The following TRAK1 variants were observed in gnomAD, a reference collection of about 807,000 sequenced individuals.
The protein encoded by TRAK1 is trafficking kinesin-binding protein 1.
TRAK1 carries 33 observed loss-of-function variants against 92.1 expected under a neutral mutation model. That is an observed-to-expected ratio of 0.36 (90% CI 0.27 to 0.48). TRAK1 has a LOEUF of 0.48. TRAK1 is among the 20% of genes least tolerant of loss of function. TRAK1 has a pLI of 0.99. For missense variants in TRAK1, 1,123 were observed against 1,257.9 expected (o/e 0.89, Z 1.62); for synonymous variants, 521 against 517.3 (o/e 1.01, Z -0.10).
intron 1 of TRAK1, among the ~76,000 whole-genome samples, chr3:42,067,503 T>C (rs539549062): frequency 3.3e-5 from 5 of 152,316 alleles, no homozygotes; most frequent in African/African-American, 1.2e-4. Flanking sequence ...TCAGTGCACA[T>C]TGAGAAGCTA....
chr3:42,163,962 A>C (rs2149314470), intron 2 of TRAK1, among the ~76,000 whole-genome samples: 1 of 152,366 alleles, frequency 6.6e-6, no homozygotes, highest in Non-Finnish European at 1.5e-5. Flanking sequence ...TGTAAAATGA[A>C]ACAAACTCAC....
intron 2 of TRAK1, among the ~76,000 whole-genome samples, chr3:42,164,102 AC>A (rs1215216054): frequency 2.0e-5 from 3 of 151,918 alleles, no homozygotes; most frequent in Admixed American, 6.6e-5. Flanking sequence ...GCTGGGCAGG[AC>A]CCCATTTTTC....
chr3:42,082,550 G>A (rs1576268724), upstream of TRAK1, among the ~76,000 whole-genome samples: 1 of 152,036 alleles, frequency 6.6e-6, no homozygotes, highest in Non-Finnish European at 1.5e-5. Flanking sequence ...AGCCGAGATC[G>A]CGCCACTGCA....
chr3:42,084,552 GC>G (rs1416834472), upstream of TRAK1, among the ~76,000 whole-genome samples: 2 of 152,222 alleles, frequency 1.3e-5, no homozygotes, highest in African/African-American at 4.8e-5. Context: ...GCATGGAGAA[GC>G]CCCCTTGGGC....
intron 2 of TRAK1, among the ~76,000 whole-genome samples, chr3:42,157,367 G>A (rs1198144715): frequency 2.1e-5 from 3 of 139,558 alleles, no homozygotes; most frequent in African/African-American, 8.0e-5. Context: ...GCTGAGGCGG[G>A]AAGATCCCTT....
intron 15 of TRAK1, among the ~76,000 whole-genome samples, chr3:42,220,281 A>G (rs1210567488): frequency 2.0e-5 from 3 of 152,268 alleles, no homozygotes; most frequent in South Asian, 2.1e-4. Context: ...AGCACCATCT[A>G]TGGGGAGGAC....
upstream of TRAK1, among the ~76,000 whole-genome samples, chr3:42,082,748 A>G (rs1362117315): frequency 6.6e-6 from 1 of 152,230 alleles, no homozygotes; most frequent in African/African-American, 2.4e-5. Flanking sequence ...AAAGTGAGAA[A>G]GTATTTCCAA....
intron 1 of TRAK1, among the ~76,000 whole-genome samples, chr3:42,094,248 A>T (rs1238188462): frequency 6.6e-6 from 1 of 152,082 alleles, no homozygotes; most frequent in Admixed American, 6.5e-5. Context: ...TTGGTGTGTG[A>T]GTCTGGGACT....
chr3:42,196,119 A>G (rs1052617833), intron 10 of TRAK1, among the ~76,000 whole-genome samples: 1 of 152,168 alleles, frequency 6.6e-6, no homozygotes, highest in African/African-American at 2.4e-5. Context: ...CAGCTTTCAT[A>G]TTTGCTGAGG....
rs145953745 is a variant in TRAK1 at position 42,196,956 on chromosome 3, CCT to C, written c.1113+2034_1113+2035del. 8.1e-3 allele frequency among the ~76,000 whole-genome samples: 1,162 copies of C among 143,270 alleles called. 11 individuals are homozygous for C. The highest frequency in any genetic ancestry group is 0.022 in the African/African-American group (860 of 38,524). The allele number at this position is 143,270 out of a possible 152,430, so 94.0% of individuals were successfully genotyped here. ...CTGAACTAATTTCTCTCTCCTTTCTCCTCTCTCTCTCTCTCTCTCTTTCTCTT... is the reference window on the plus strand; with the variant it reads ...CTGAACTAATTTCTCTCTCCTTTCTCCTCTCTCTCTCTCTCTCTTTCTCTT... On this transcript the variant is annotated intron_variant, in intron 10 of 15. Transcript: ENST00000327628.
intron 1 of TRAK1, among the ~76,000 whole-genome samples, chr3:42,048,561 CTTTTCT>C (rs1702853097): frequency 1.7e-5 from 2 of 114,952 alleles, no homozygotes; most frequent in African/African-American, 7.5e-5. Context: ...CTCTACAGTT[CTTTTCT>C]TTTTTTTTTT....
chr3:42,033,585 CTCAA>C (rs61686568), intron 1 of TRAK1, among the ~76,000 whole-genome samples: 2 of 151,598 alleles, frequency 1.3e-5, no homozygotes, highest in African/African-American at 2.4e-5. Flanking sequence ...AAGACCCTGT[CTCAA>C]TCAATCAATC....
chr3:42,203,087 C>A (rs1173429576), intron 13 of TRAK1: 7 of 1,232,104 alleles, frequency 5.7e-6, no homozygotes, highest in Middle Eastern at 3.1e-4. Flanking sequence ...CTAACTGATT[C>A]AAAAATTAAT....
chr3:42,013,336 C>T (rs1701380441), upstream of TRAK1, among the ~76,000 whole-genome samples: 1 of 152,172 alleles, frequency 6.6e-6, no homozygotes. The surrounding 1 kb of genome is among the most constrained non-coding windows in gnomAD (Gnocchi z 5.1). Flanking sequence ...TTCTCTTAGA[C>T]TGACTCTGGA....
At chr3:42,054,208 T>G (rs1703099439) in intron 1 of TRAK1, among the ~76,000 whole-genome samples, 1 of 152,254 alleles carries the variant, frequency 6.6e-6, no homozygotes, top group Non-Finnish European at 1.5e-5. Context: ...TGCTAAGTAC[T>G]GTGCTAAGCA....
chr3:42,194,737 A>T, intron 9 of TRAK1, 67 bp from the exon 10 acceptor site: 1 of 1,565,342 alleles, frequency 6.4e-7, no homozygotes, highest in South Asian at 1.2e-5. Flanking sequence ...TGGCCTTCGG[A>T]TGGGCAGATG....
intron 1 of TRAK1, among the ~76,000 whole-genome samples, chr3:42,061,302 TGCACACCTCCCCCAC>T (rs1207501792): frequency 5.7e-5 from 1 of 17,562 alleles, no homozygotes; most frequent in Non-Finnish European, 1.1e-4. Context: ...CACCCCCCCA[TGCACACCTCCCCCAC>T]GCACACCCCC....
At chr3:42,197,082 T>A (rs1341029548) in intron 10 of TRAK1, among the ~76,000 whole-genome samples, 1 of 151,320 alleles carries the variant, frequency 6.6e-6, no homozygotes, top group Non-Finnish European at 1.5e-5. Flanking sequence ...ATAATCATAA[T>A]TTTATTTGCC....
upstream of TRAK1, among the ~76,000 whole-genome samples, chr3:42,088,337 C>T (rs922966495): frequency 6.6e-6 from 1 of 152,018 alleles, no homozygotes; most frequent in African/African-American, 2.4e-5. Flanking sequence ...TGTGCTAGGC[C>T]CCCACACACC....
Sources: allele counts gnomAD v4.1 joint callset (sites outside exome capture counted in the v4.1 genomes callset), GRCh38; gene constraint gnomAD v4.1.1; non-coding constraint Gnocchi (gnomAD v3.1); transcripts MANE v1.5; gene names NCBI Gene and HGNC (gene_info 2026-07-23, HGNC 2026-07-21).